The following DAP variants were observed in gnomAD, a reference collection of about 807,000 sequenced individuals.
DAP encodes the protein death associated protein, also known as death-associated protein 1.
In DAP, 8 loss-of-function variants were observed where a neutral mutation model predicts 13.8. The observed-to-expected ratio is 0.58, with a 90% CI of 0.34 to 1.05. The LOEUF (loss-of-function observed/expected upper bound fraction) is 1.05, where lower values mean the gene tolerates loss of function less well. Ranked by LOEUF, DAP falls within the 50% of genes least tolerant of loss-of-function variation. DAP has a pLI of 0.03. For missense variants in DAP, 106 were observed against 133.2 expected, an observed-to-expected ratio of 0.80 and a Z score of 1.01; for synonymous variants, 47 against 47.5, an observed-to-expected ratio of 0.99 and a Z score of 0.04.
chr5:10,760,348 G>A (rs561253500), intron 1 of DAP, among the ~76,000 whole-genome samples: 21 of 152,174 alleles, frequency 1.4e-4, no homozygotes, highest in Non-Finnish European at 2.9e-4. Context: ...TGCCCAGAGA[G>A]AGGAGGAGGT....
intron 2 of DAP, among the ~76,000 whole-genome samples, chr5:10,699,841 T>C (rs1738522742): frequency 6.6e-6 from 1 of 152,326 alleles, no homozygotes; most frequent in Middle Eastern, 3.4e-3. Flanking sequence ...TTCCCTGGGG[T>C]GTCCCCTGCC....
At chr5:10,730,399 G>T (rs1739411412) in intron 2 of DAP, among the ~76,000 whole-genome samples, 1 of 152,228 alleles carries the variant, frequency 6.6e-6, no homozygotes, top group African/African-American at 2.4e-5. Context: ...AAGAGTGGGG[G>T]ACTGAGAGCC....
At chr5:10,681,590 C>A (rs1738004185) in intron 3 of DAP, among the ~76,000 whole-genome samples, 2 of 149,402 alleles carry the variant, frequency 1.3e-5, no homozygotes, top group African/African-American at 2.5e-5. Context: ...GAGGAACCCC[C>A]AGGCCAGCAC....
chr5:10,712,511 C>A (rs1170115337), intron 2 of DAP, among the ~76,000 whole-genome samples: 1 of 152,030 alleles, frequency 6.6e-6, no homozygotes, highest in African/African-American at 2.4e-5. Context: ...AGGAGAGGTG[C>A]AGAGGAGGAC....
intron 1 of DAP, among the ~76,000 whole-genome samples, chr5:10,758,211 T>C (rs1740242630): frequency 6.6e-6 from 1 of 151,874 alleles, no homozygotes; most frequent in Non-Finnish European, 1.5e-5. Context: ...GCCGCCTTTT[T>C]TTTTTTTTTT....
chr5:10,747,319 A>G (rs1355622981), intron 2 of DAP, among the ~76,000 whole-genome samples: 2 of 152,218 alleles, frequency 1.3e-5, no homozygotes, highest in African/African-American at 2.4e-5. Context: ...CCTGAACCCA[A>G]CTGGAAATCT....
chr5:10,723,709 T>C (rs996259254), intron 2 of DAP, among the ~76,000 whole-genome samples: 1 of 152,240 alleles, frequency 6.6e-6, no homozygotes, highest in South Asian at 2.1e-4. Flanking sequence ...CCAGGCCAGA[T>C]ACTAAAGCAA....
chr5:10,748,107 C>T, intron 2 of DAP, 68 bp downstream of exon 2: 1 of 1,108,898 alleles, frequency 9.0e-7, no homozygotes, highest in South Asian at 1.2e-5. Flanking sequence ...GAACAGAGAA[C>T]AAATGTTAAT....
In DAP at chr5:10,753,391, A is replaced by C. The variant is rs181522743; in HGVS notation, c.56-5120T>G. 1.1e-4 allele frequency among the ~76,000 whole-genome samples: 16 copies of C among 152,376 alleles called. No individual in the cohort carries two copies. In the East Asian group the frequency reaches 3.1e-3, roughly 29 times the overall value. On this transcript the variant is annotated intron_variant, in intron 1 of 3. Coordinates refer to ENST00000230895, the MANE Select transcript of DAP (RefSeq NM_004394.3). The stretch of plus-strand genomic sequence containing the variant: ...AGAGTAACTCAAAGGAACGGCCTAC[A>C]GACAGGGCCAGGTTATTACACTACC...
chr5:10,699,402 G>A (rs1579791956), intron 2 of DAP, among the ~76,000 whole-genome samples: 2 of 152,336 alleles, frequency 1.3e-5, no homozygotes, highest in African/African-American at 4.8e-5. Context: ...TTCACACACT[G>A]TATAGGACGC....
rs1424731538 is a variant in DAP, at chr5:10,680,100, C to CAGTT, written c.*952_*955dup. Reference sequence around the variant, plus strand: ...CACACCAGGTGGGAGGCGTTTGGAACAGTTAGACTCATCAGTGGATAGGTT... The same window carrying CAGTT: ...CACACCAGGTGGGAGGCGTTTGGAACAGTTAGTTAGACTCATCAGTGGATAGGTT... On this transcript the variant is annotated 3_prime_UTR_variant, in exon 4 of 4. Coordinates refer to ENST00000230895, the MANE Select transcript of DAP (RefSeq NM_004394.3). The CAGTT allele has an allele frequency of 6.5e-6, 1 of 152,910 alleles. No homozygotes were observed. Among genetic ancestry groups the CAGTT allele is most frequent in the African/African-American group, 2.4e-5 (1 of 41,452 alleles). 9.5% of individuals were successfully genotyped at this position (152,910 alleles called of 1,614,324 possible).
At chr5:10,741,852 G>A (rs1439709529) in intron 2 of DAP, among the ~76,000 whole-genome samples, 5 of 152,250 alleles carry the variant, frequency 3.3e-5, no homozygotes, top group African/African-American at 9.6e-5. Context: ...GAGGCTGAAG[G>A]TGGTGCTCTG....
intron 1 of DAP, among the ~76,000 whole-genome samples, chr5:10,752,203 C>T (rs267939): frequency 0.49 from 75,248 of 152,202 alleles, 21,125 homozygotes; most frequent in Non-Finnish European, 0.64. Context: ...AGCATTAGCA[C>T]TTGCATTTAA....
In DAP at chr5:10,684,189, T is replaced by G. The variant is rs530703811; in HGVS notation, c.153-618A>C. ...GGCAAGCCCATTTATTTGGATTTAATGAGATCGTGAAACAGGCGCTTCCCT... is the reference window on the plus strand; with the variant it reads ...GGCAAGCCCATTTATTTGGATTTAAGGAGATCGTGAAACAGGCGCTTCCCT... On this transcript the variant is annotated intron_variant, in intron 2 of 3. Coordinates refer to ENST00000230895, the MANE Select transcript of DAP (RefSeq NM_004394.3). Among the ~76,000 whole-genome samples, 10 of 152,338 alleles carry G rather than the reference T, an allele frequency of 6.6e-5. No homozygotes were observed. In the South Asian group the frequency reaches 2.1e-3, roughly 32 times the overall value.
At chr5:10,744,542 G>A (rs1210206459) in intron 2 of DAP, among the ~76,000 whole-genome samples, 1 of 152,226 alleles carries the variant, frequency 6.6e-6, no homozygotes, top group Non-Finnish European at 1.5e-5. Flanking sequence ...CCCAGAATCA[G>A]TAAGTTTCAT....
At chr5:10,731,022 C>T (rs388376) in intron 2 of DAP, among the ~76,000 whole-genome samples, 6 of 44,956 alleles carry the variant, frequency 1.3e-4, no homozygotes, top group African/African-American at 4.6e-4. Context: ...TCTTTCTGTA[C>T]TGAGAGCCCT....
chr5:10,760,797 T>C (rs1740324155), intron 1 of DAP, among the ~76,000 whole-genome samples: 1 of 152,024 alleles, frequency 6.6e-6, no homozygotes, highest in Admixed American at 6.5e-5. Flanking sequence ...AAGAAACGCT[T>C]CGCCGCCGCC....
At chr5:10,699,169 T>C (rs1429645147) in intron 2 of DAP, among the ~76,000 whole-genome samples, 1 of 152,230 alleles carries the variant, frequency 6.6e-6, no homozygotes, top group Non-Finnish European at 1.5e-5. Context: ...TTCACATTTG[T>C]TCACATCTAC....
At chr5:10,719,238 T>C (rs1477558735) in intron 2 of DAP, among the ~76,000 whole-genome samples, 2 of 152,234 alleles carry the variant, frequency 1.3e-5, no homozygotes, top group African/African-American at 4.8e-5. Flanking sequence ...GATGTGTTAC[T>C]CTGGTCCATT....
Sources: allele counts gnomAD v4.1 joint callset (sites outside exome capture counted in the v4.1 genomes callset), GRCh38; gene constraint gnomAD v4.1.1; transcripts MANE v1.5; gene names NCBI Gene and HGNC (gene_info 2026-07-23, HGNC 2026-07-21).